GPR158: variants seen among roughly 807,000 people sequenced by gnomAD.
GPR158 encodes the protein metabotropic glycine receptor.
GPR158 carries 30 observed loss-of-function variants against 78.2 expected under a neutral mutation model. The ratio of observed to expected loss-of-function variants is 0.38; its 90% CI spans 0.29 to 0.52. The LOEUF (loss-of-function observed/expected upper bound fraction) is 0.52. Ranked by LOEUF, GPR158 falls within the 20% of genes least tolerant of loss-of-function variation. The pLI, the probability that GPR158 is intolerant of heterozygous loss-of-function variation, is 0.83. For missense variants in GPR158, 1,463 were observed against 1,523.5 expected, an observed-to-expected ratio of 0.96 and a Z score of 0.66; for synonymous variants, 581 against 591.1, an observed-to-expected ratio of 0.98 and a Z score of 0.25.
At chr10:25,332,619 G>A (rs2807245) in intron 2 of GPR158, among the ~76,000 whole-genome samples, 57,753 of 151,988 alleles carry the variant, frequency 0.38, 13,480 homozygotes, top group Non-Finnish European at 0.53. Flanking sequence ...TTCCCGACCT[G>A]GAGAAACTTA....
Position 25,182,023 on chromosome 10 carries a change from C to T in GPR158, c.902+5701C>T, listed in dbSNP as rs139430611. On this transcript the variant is annotated intron_variant, in intron 1 of 10. Coordinates refer to ENST00000376351, the MANE Select transcript of GPR158 (RefSeq NM_020752.3). ...GTGAGCCATCACACCTAGCCCAATG[C>T]GTTGCTTTAACTTGTAAAGTTTTAT... Among the ~76,000 whole-genome samples, 700 of 152,248 alleles carry T rather than the reference C, an allele frequency of 4.6e-3. 3 individuals are homozygous for T. The highest frequency in any genetic ancestry group is 0.014 in the Middle Eastern group (4 of 294).
intron 2 of GPR158, among the ~76,000 whole-genome samples, chr10:25,250,221 T>C (rs1454348221): frequency 7.9e-6 from 1 of 127,214 alleles, no homozygotes; most frequent in African/African-American, 3.2e-5. Context: ...TTATTAGTCT[T>C]GCTAGTGGTC....
intron 7 of GPR158, among the ~76,000 whole-genome samples, chr10:25,582,558 G>GC (rs570083965): frequency 9.2e-4 from 140 of 152,274 alleles, no homozygotes; most frequent in African/African-American, 3.2e-3. Flanking sequence ...GCCTCAGAGA[G>GC]CCCCCAGCTC....
chr10:25,385,475 T>G (rs1019402669), intron 2 of GPR158, among the ~76,000 whole-genome samples: 5 of 152,164 alleles, frequency 3.3e-5, no homozygotes, highest in Non-Finnish European at 7.4e-5. Flanking sequence ...TTATTTTGGA[T>G]ACATACCAAA....
chr10:25,448,251 A>AT (rs1377990293), intron 4 of GPR158, among the ~76,000 whole-genome samples: 4 of 150,570 alleles, frequency 2.7e-5, no homozygotes, highest in Admixed American at 6.6e-5. Context: ...CGCCTGGCTA[A>AT]TTTTTTGTAT....
intron 2 of GPR158, among the ~76,000 whole-genome samples, chr10:25,259,834 G>A (rs543007226): frequency 2.6e-5 from 4 of 151,832 alleles, no homozygotes; most frequent in African/African-American, 7.2e-5. Context: ...CTTTATTTTT[G>A]TGTTGCTATG....
chr10:25,329,794 TG>T (rs1855092995), intron 2 of GPR158, among the ~76,000 whole-genome samples: 1 of 151,994 alleles, frequency 6.6e-6, no homozygotes, highest in Non-Finnish European at 1.5e-5. Context: ...TTACATGTTT[TG>T]TCACTAGGTT....
chr10:25,436,659 G>C (rs1412569689), intron 4 of GPR158, among the ~76,000 whole-genome samples: 1 of 152,200 alleles, frequency 6.6e-6, no homozygotes, highest in Non-Finnish European at 1.5e-5. Context: ...ATAAAATGTG[G>C]AGTGAGAAGG....
At chr10:25,513,848 G>T (rs778816573) in intron 5 of GPR158, among the ~76,000 whole-genome samples, 1 of 152,054 alleles carries the variant, frequency 6.6e-6, no homozygotes, top group Non-Finnish European at 1.5e-5. Flanking sequence ...TTTTGGAGTT[G>T]ATTTCCAATA....
intron 2 of GPR158, chr10:25,393,470 A>G (rs1354103426): frequency 6.6e-6 from 1 of 152,218 alleles, no homozygotes; most frequent in Non-Finnish European, 1.5e-5. Context: ...CACATGCTAT[A>G]TTCGTAGTGT....
At chr10:25,430,286 T>A (rs1347245470) in intron 4 of GPR158, among the ~76,000 whole-genome samples, 8 of 150,920 alleles carry the variant, frequency 5.3e-5, no homozygotes, top group African/African-American at 1.2e-4. Context: ...ATAAAATACT[T>A]AGGAATCCAA....
At chr10:25,581,772 A>G (rs892937045) in intron 7 of GPR158, among the ~76,000 whole-genome samples, 2 of 152,206 alleles carry the variant, frequency 1.3e-5, no homozygotes, top group African/African-American at 4.8e-5. Context: ...AGACACTTTG[A>G]TAATAGTAGC....
At chr10:25,443,261 A>T (rs556064547) in intron 4 of GPR158, among the ~76,000 whole-genome samples, 275 of 152,162 alleles carry the variant, frequency 1.8e-3, no homozygotes, top group East Asian at 2.7e-3. Flanking sequence ...ATTAAAAAAA[A>T]TTTTTTTGTG....
intron 5 of GPR158, chr10:25,475,890 A>G (rs1361461695): frequency 6.6e-6 from 1 of 152,158 alleles, no homozygotes; most frequent in Non-Finnish European, 1.5e-5. Flanking sequence ...CTTCTGAGTT[A>G]TGCAATGAGC....
At chr10:25,358,068 T>A (rs1012277435) in intron 2 of GPR158, among the ~76,000 whole-genome samples, 4 of 152,122 alleles carry the variant, frequency 2.6e-5, no homozygotes, top group Non-Finnish European at 5.9e-5. Context: ...AAGATTTGAC[T>A]GTCCTGCTGC....
chr10:25,477,135 T>C (rs1835598823), intron 5 of GPR158, among the ~76,000 whole-genome samples: 1 of 151,980 alleles, frequency 6.6e-6, no homozygotes, highest in South Asian at 2.1e-4. Flanking sequence ...TTTTGCGATG[T>C]AGAAAAAACC....
At chr10:25,287,542 C>G (rs764880908) in intron 2 of GPR158, among the ~76,000 whole-genome samples, 62 of 152,180 alleles carry the variant, frequency 4.1e-4, no homozygotes, top group Non-Finnish European at 7.9e-4. Flanking sequence ...GTGTGAATCT[C>G]CCTTTTATAT....
chr10:25,294,031 A>G (rs904014249), intron 2 of GPR158, among the ~76,000 whole-genome samples: 1 of 152,196 alleles, frequency 6.6e-6, no homozygotes, highest in Non-Finnish European at 1.5e-5. Context: ...GGCCTGAGCC[A>G]CTGCGCCCAA....
intron 2 of GPR158, among the ~76,000 whole-genome samples, chr10:25,282,839 A>G (rs1037994266): frequency 3.3e-5 from 5 of 152,074 alleles, no homozygotes; most frequent in Non-Finnish European, 7.4e-5. Context: ...TTTCTTATGA[A>G]TTATCTGAGT....
Sources: allele counts gnomAD v4.1 joint callset (sites outside exome capture counted in the v4.1 genomes callset), GRCh38; gene constraint gnomAD v4.1.1; transcripts MANE v1.5; gene names NCBI Gene and HGNC (gene_info 2026-07-23, HGNC 2026-07-21).